CCDC175: variants seen among roughly 807,000 people sequenced by gnomAD.
CCDC175 encodes coiled-coil domain containing 175, also known as coiled-coil domain-containing protein 175.
CCDC175 carries 100 observed loss-of-function variants against 114.6 expected under a neutral mutation model. That is an observed-to-expected ratio of 0.87 (90% CI 0.74 to 1.03). CCDC175 has a LOEUF of 1.03. CCDC175 is among the 50% of genes least tolerant of loss of function. The pLI is 0.00. For missense variants in CCDC175, 880 were observed against 917.8 expected (o/e 0.96, Z 0.53); for synonymous variants, 306 against 308.7 (o/e 0.99, Z 0.09).
At chr14:59,511,827 C>T in intron 17 of CCDC175, 24 bp from the exon 18 acceptor site, 2 of 1,467,366 alleles carry the variant, frequency 1.4e-6, no homozygotes, top group Non-Finnish European at 1.8e-6. Flanking sequence ...TTAAAAAATA[C>T]AATGGTTACT....
intron 19 of CCDC175, among the ~76,000 whole-genome samples, chr14:59,506,295 T>C (rs1892384635): frequency 6.6e-6 from 1 of 150,640 alleles, no homozygotes; most frequent in East Asian, 1.9e-4. Context: ...TTTTTTCTTT[T>C]TTTTTTTTTG....
At chr14:59,570,748 T>TGTTTGTTG (rs1293242351) in intron 3 of CCDC175, among the ~76,000 whole-genome samples, 2 of 151,662 alleles carry the variant, frequency 1.3e-5, no homozygotes, top group Non-Finnish European at 2.9e-5. Flanking sequence ...TGTTTTTGTT[T>TGTTTGTTG]GTTTTTGTTT....
At chr14:59,540,072 AAATAAT>A (rs372161297) in intron 11 of CCDC175, among the ~76,000 whole-genome samples, 7 of 152,192 alleles carry the variant, frequency 4.6e-5, no homozygotes, top group African/African-American at 1.4e-4. Context: ...CTCTGTCTCA[AAATAAT>A]AATAATAATA....
intron 17 of CCDC175, among the ~76,000 whole-genome samples, chr14:59,513,552 C>T (rs944390303): frequency 4.6e-5 from 7 of 152,136 alleles, no homozygotes; most frequent in East Asian, 3.9e-4. Context: ...CCTATGCCCA[C>T]GGAGCCTCAC....
intron 11 of CCDC175, 26 bp from the exon 12 acceptor site, chr14:59,538,866 C>A: frequency 6.6e-7 from 1 of 1,511,498 alleles, no homozygotes; most frequent in Non-Finnish European, 8.8e-7. Flanking sequence ...AAAAGAATTG[C>A]CATTAAATTG....
intron 11 of CCDC175, among the ~76,000 whole-genome samples, chr14:59,539,316 G>T (rs997467469): frequency 6.6e-6 from 1 of 152,204 alleles, no homozygotes; most frequent in Non-Finnish European, 1.5e-5. Flanking sequence ...AGTGGCTCAC[G>T]CCTATAATCC....
At chr14:59,539,729 C>T (rs1308195869) in intron 11 of CCDC175, among the ~76,000 whole-genome samples, 2 of 152,120 alleles carry the variant, frequency 1.3e-5, no homozygotes, top group Non-Finnish European at 2.9e-5. Flanking sequence ...GCGTGGCCAA[C>T]ATAGTGAAAC....
In CCDC175 at chr14:59,525,268, G is replaced by A. The variant is rs752416492; in HGVS notation, c.1995+14C>T. On this transcript the variant is annotated intron_variant, in intron 16 of 19. Coordinates refer to ENST00000537690, the MANE Select transcript of CCDC175 (RefSeq NM_001164399.2). ...TCAAAGCCATCATGAAAAGGATGGTGCTCTTAAACTTACTTCTTTTAATTT... is the reference window on the plus strand; with the variant it reads ...TCAAAGCCATCATGAAAAGGATGGTACTCTTAAACTTACTTCTTTTAATTT... The A allele has an allele frequency of 2.1e-6, 3 of 1,423,982 alleles. No homozygotes were observed. The highest frequency in any genetic ancestry group is 2.7e-6 in the Non-Finnish European group (3 of 1,095,636). 88.2% of individuals were successfully genotyped at this position (1,423,982 alleles called of 1,614,324 possible).
intron 16 of CCDC175, among the ~76,000 whole-genome samples, chr14:59,522,135 CCAGTGGTGG>C (rs1191362625): frequency 6.6e-6 from 1 of 152,112 alleles, no homozygotes; most frequent in Non-Finnish European, 1.5e-5. Flanking sequence ...GGGTTGGGTG[CCAGTGGTGG>C]CAGTAGTGAC....
intron 3 of CCDC175, among the ~76,000 whole-genome samples, chr14:59,568,745 C>T (rs949995972): frequency 1.9e-4 from 29 of 152,308 alleles, no homozygotes; most frequent in African/African-American, 7.0e-4. Flanking sequence ...AGAGGTAGGG[C>T]AAGCATCAGA....
At chr14:59,571,148 TAAAA>T (rs35713404) in intron 3 of CCDC175, among the ~76,000 whole-genome samples, 6,199 of 128,378 alleles carry the variant, frequency 0.048, 171 homozygotes, top group Middle Eastern at 0.12. Flanking sequence ...GAAATTTACC[TAAAA>T]AAAAAAAAAA....
At chr14:59,525,954 G>A (rs1336022448) in intron 15 of CCDC175, among the ~76,000 whole-genome samples, 1 of 152,136 alleles carries the variant, frequency 6.6e-6, no homozygotes, top group East Asian at 1.9e-4. Flanking sequence ...TGATAGTCAT[G>A]TTGGTCCTGG....
intron 17 of CCDC175, among the ~76,000 whole-genome samples, chr14:59,513,891 A>G (rs1014792413): frequency 5.9e-5 from 9 of 152,194 alleles, no homozygotes; most frequent in Non-Finnish European, 1.3e-4. Flanking sequence ...TTGACCCCCG[A>G]GTAGCGTAAC....
Position 59,565,246 on chromosome 14 carries a change from T to A in CCDC175, c.521A>T (p.His174Leu), listed in dbSNP as rs931654886. 80 of 1,537,298 alleles carry A rather than the reference T, an allele frequency of 5.2e-5. No homozygotes were observed. Among genetic ancestry groups the A allele is most frequent in the Non-Finnish European group, 6.1e-5 (70 of 1,146,930 alleles). The change falls in exon 5 of 20, where the codon CAT (histidine) becomes CTT (leucine). Residue 174 changes from histidine (H) to leucine (L), a missense_variant. Physicochemically the swap from His to Leu is moderately conservative, Grantham distance 99. Coordinates refer to ENST00000537690, the MANE Select transcript of CCDC175 (RefSeq NM_001164399.2). ...GTTGAGTGACAGGACAAACCTTGCATGCTTCCTTGCTAGCTCTTCCTGCTT... is the reference window on the plus strand; with the variant it reads ...GTTGAGTGACAGGACAAACCTTGCAAGCTTCCTTGCTAGCTCTTCCTGCTT... ...GEKQEELARK[H>L]ARFVLSLNQT...
intron 16 of CCDC175, among the ~76,000 whole-genome samples, chr14:59,522,737 C>G (rs1403473875): frequency 6.6e-6 from 1 of 152,106 alleles, no homozygotes; most frequent in Non-Finnish European, 1.5e-5. Flanking sequence ...TAATGATACA[C>G]AGTGAGAGTT....
intron 14 of CCDC175, among the ~76,000 whole-genome samples, chr14:59,530,950 CT>C (rs1269475043): frequency 2.6e-5 from 4 of 151,826 alleles, no homozygotes; most frequent in African/African-American, 4.8e-5. Flanking sequence ...GGGCGGATTC[CT>C]TAGATAATGA....
At position 59,527,179 on chromosome 14, in the gene CCDC175, TAAAAC is replaced by T; in HGVS notation, c.1763-10_1763-6del. The T allele has an allele frequency of 6.9e-7, 1 of 1,442,174 alleles. No individual in the cohort carries two copies. The highest frequency in any genetic ancestry group is 1.8e-4 in the Middle Eastern group (1 of 5,450). 89.3% of individuals were successfully genotyped at this position (1,442,174 alleles called of 1,614,324 possible). A position where few individuals can be genotyped will look rare whatever the true frequency, so the allele number is the denominator to read the frequency against. On this transcript the variant is annotated splice_region_variant and splice_polypyrimidine_tract_variant and intron_variant, in intron 14 of 19. Transcript: ENST00000537690. ...AATCTTCCTCCTGTCTTTGTGCTATTAAAACAAAGAAAAAAATAACTACCTCAAAA... is the reference window on the plus strand; with the variant it reads ...AATCTTCCTCCTGTCTTTGTGCTATTAAAGAAAAAAATAACTACCTCAAAA...
rs143746866 is a variant in CCDC175, at chr14:59,570,741, T to TTTTG, written c.355+1957_355+1960dup. Among the ~76,000 whole-genome samples the TTTTG allele has an allele frequency of 3.6e-4, 55 of 151,470 alleles. 1 individual carries two copies. The highest frequency in any genetic ancestry group is 8.2e-4 in the African/African-American group (34 of 41,266). The stretch of plus-strand genomic sequence containing the variant: ...TTGGAATTAAGCCTCTCTCTTTTGT[T>TTTTG]TTTGTTTGTTTTTGTTTTGAGATGA... On this transcript the variant is annotated intron_variant, in intron 3 of 19. Transcript: ENST00000537690.
chr14:59,564,435 A>G (rs1383643787), intron 5 of CCDC175: 1 of 153,354 alleles, frequency 6.5e-6, no homozygotes, highest in Non-Finnish European at 1.5e-5. Flanking sequence ...CCCCCAGTCA[A>G]CCAGAGCAGA....
Sources: allele counts gnomAD v4.1 joint callset (sites outside exome capture counted in the v4.1 genomes callset), GRCh38; gene constraint gnomAD v4.1.1; transcripts MANE v1.5; gene names NCBI Gene and HGNC (gene_info 2026-07-23, HGNC 2026-07-21).